CFI: variants seen among roughly 807,000 people sequenced by gnomAD.
CFI encodes the protein C3B/C4B inactivator.
Under a neutral mutation model 78.8 loss-of-function variants are expected in CFI, and 66 were observed. The ratio of observed to expected loss-of-function variants is 0.84; its 90% CI spans 0.69 to 1.03. The LOEUF (loss-of-function observed/expected upper bound fraction) is 1.03, where lower values mean the gene tolerates loss of function less well. Among genes scored for constraint, CFI ranks in the 50% least tolerant of loss-of-function variants. The pLI is 0.00. For missense variants in CFI, 706 were observed against 704.5 expected, an observed-to-expected ratio of 1.00 and a Z score of -0.02; for synonymous variants, 250 against 232.6, an observed-to-expected ratio of 1.07 and a Z score of -0.68.
At chr4:109,746,118 A>G in intron 11 of CFI, 104 bp downstream of exon 11, 4 of 1,323,762 alleles carry the variant, frequency 3.0e-6, no homozygotes, top group Non-Finnish European at 4.3e-6. Flanking sequence ...TCTGGATATG[A>G]TGTTATGCTT....
intron 2 of CFI, among the ~76,000 whole-genome samples, chr4:109,765,516 G>T (rs1406271773): frequency 1.3e-5 from 2 of 152,180 alleles, no homozygotes; most frequent in Non-Finnish European, 2.9e-5. Flanking sequence ...TACAGATGAG[G>T]GAACTGGGGT....
chr4:109,783,130 T>C (rs1730276014), intron 1 of CFI, among the ~76,000 whole-genome samples: 1 of 152,142 alleles, frequency 6.6e-6, no homozygotes, highest in Non-Finnish European at 1.5e-5. Context: ...AAGGATTTCA[T>C]GACCAAGAAC....
Position 109,746,246 on chromosome 4 carries a change from C to T in CFI, c.1405G>A (p.Val469Ile), listed in dbSNP as rs763276049. 1.1e-5 allele frequency: 17 copies of T among 1,614,016 alleles called. No individual in the cohort carries two copies. Among genetic ancestry groups the T allele is most frequent in the Middle Eastern group, 1.6e-4 (1 of 6,084 alleles). The change falls in exon 11 of 13, where the codon GTT becomes ATT. Residue 469 changes from valine to isoleucine, a missense_variant. By Grantham distance (29) the Val-to-Ile change is conservative. Coordinates refer to ENST00000394634, the MANE Select transcript of CFI (RefSeq NM_000204.5). ...YLFQPNDTCI[V>I]SGWGREKDNE... ...CCTTTTTCTCGTCCCCAGCCAGAAACGATGCATGTATCATTAGGTTGGAAT... is the reference window on the plus strand; with the variant it reads ...CCTTTTTCTCGTCCCCAGCCAGAAATGATGCATGTATCATTAGGTTGGAAT...
At chr4:109,798,389 T>C (rs1398962913) in intron 1 of CFI, among the ~76,000 whole-genome samples, 1 of 152,192 alleles carries the variant, frequency 6.6e-6, no homozygotes, top group Non-Finnish European at 1.5e-5. Context: ...GGTGAATACG[T>C]TTATGGCATA....
Position 109,766,559 on chromosome 4 carries a change from G to A in CFI, c.323C>T (p.Ala108Val). ...TKFLNNGTCTAEGKFSVSLKH... is the reference protein window; with the variant it reads ...TKFLNNGTCTVEGKFSVSLKH... ...GAAAACTAGTCTCTTGCTACCTTCG[G>A]CTGTGCATGTTCCGTTATTTAAAAA... Residue 108 changes from alanine to valine, a missense_variant, in exon 2 of 13, where the codon GCC (alanine) becomes GTC (valine). Physicochemically the swap from Ala to Val is moderately conservative, Grantham distance 64. Transcript: ENST00000394634. The A allele has an allele frequency of 6.2e-7, 1 of 1,614,048 alleles. No homozygotes were observed. Among genetic ancestry groups the A allele is most frequent in the Non-Finnish European group, 8.5e-7 (1 of 1,179,982 alleles).
At chr4:109,768,676 G>A (rs995845219) in intron 1 of CFI, among the ~76,000 whole-genome samples, 6 of 152,154 alleles carry the variant, frequency 3.9e-5, no homozygotes, top group East Asian at 3.8e-4. Flanking sequence ...CTGAGGATGC[G>A]CCTCCTGTCC....
chr4:109,782,760 A>G (rs1186550370), intron 1 of CFI, among the ~76,000 whole-genome samples: 1 of 152,146 alleles, frequency 6.6e-6, no homozygotes, highest in Non-Finnish European at 1.5e-5. Flanking sequence ...GAAGCATCAC[A>G]CTACCTGATT....
At chr4:109,764,114 A>G (rs1375550832) in intron 3 of CFI, among the ~76,000 whole-genome samples, 1 of 150,544 alleles carries the variant, frequency 6.6e-6, no homozygotes, top group Non-Finnish European at 1.5e-5. Context: ...TATCCTAACT[A>G]TATAGTTTAT....
At chr4:109,779,473 G>A (rs1359266442) in intron 1 of CFI, among the ~76,000 whole-genome samples, 4 of 152,146 alleles carry the variant, frequency 2.6e-5, no homozygotes, top group Non-Finnish European at 5.9e-5. Context: ...ACTGCTCAAC[G>A]AAATAAAAGA....
chr4:109,733,895 C>A, the CFI span, among the ~76,000 whole-genome samples: 1 of 152,148 alleles, frequency 6.6e-6, no homozygotes, highest in Non-Finnish European at 1.5e-5. Flanking sequence ...CTTAGCTGGG[C>A]GCAGTGACTC....
chr4:109,741,258 C>T, intron 12 of CFI, 148 bp from the exon 13 acceptor site: 1 of 1,487,406 alleles, frequency 6.7e-7, no homozygotes, highest in South Asian at 1.4e-5. Flanking sequence ...CCTGGCTGGG[C>T]TTGCAGAGTT....
At chr4:109,797,899 C>A (rs1382274065) in intron 1 of CFI, among the ~76,000 whole-genome samples, 1 of 151,990 alleles carries the variant, frequency 6.6e-6, no homozygotes, top group Admixed American at 6.6e-5. Flanking sequence ...CCAAAGGTAA[C>A]AAATGTAGCT....
At chr4:109,742,469 G>C (rs201239867) in intron 12 of CFI, 22 bp downstream of exon 12, 555 of 1,463,294 alleles carry the variant, frequency 3.8e-4, no homozygotes, top group Non-Finnish European at 5.0e-4. Flanking sequence ...TTGACATCTT[G>C]GATAAACCAC....
Position 109,741,039 on chromosome 4 carries a change from T to C in CFI, c.1606A>G (p.Asn536Asp), listed in dbSNP as rs1314998523. Residue 536 changes from asparagine to aspartate, a missense_variant, in exon 13 of 13, where the codon AAT (asparagine) becomes GAT (aspartate). Coordinates refer to ENST00000394634, the MANE Select transcript of CFI (RefSeq NM_000204.5). ...ACAACACCCCAGACATAAGTCACAT[T>C]GTTGGCATCCATACAGACTAAGGGG... is the stretch of plus-strand genomic sequence containing the variant. Reference protein sequence around the residue: ...GGPLVCMDANNVTYVWGVVSW... With the variant: ...GGPLVCMDANDVTYVWGVVSW... The C allele has an allele frequency of 1.9e-6, 3 of 1,614,110 alleles. No homozygotes were observed. In the African/African-American group the frequency reaches 4.0e-5, roughly 22 times the overall value.
chr4:109,772,053 TATG>T (rs889874241), intron 1 of CFI, among the ~76,000 whole-genome samples: 7 of 152,234 alleles, frequency 4.6e-5, no homozygotes, highest in African/African-American at 1.7e-4. Context: ...GAAGCAACTT[TATG>T]ATAACATTAC....
At chr4:109,742,376 A>ATTCT in intron 12 of CFI, 115 bp downstream of exon 12, 1 of 740,982 alleles carries the variant, frequency 1.3e-6, no homozygotes, top group South Asian at 1.5e-5. Flanking sequence ...TACAGCCAGA[A>ATTCT]GGCCAAATGG....
chr4:109,792,088 A>G (rs916593434), intron 1 of CFI, among the ~76,000 whole-genome samples: 1 of 152,150 alleles, frequency 6.6e-6, no homozygotes, highest in African/African-American at 2.4e-5. Flanking sequence ...GACAAGTCCT[A>G]TACGGTCTAT....
chr4:109,782,175 G>T (rs183901194), intron 1 of CFI, among the ~76,000 whole-genome samples: 5 of 152,114 alleles, frequency 3.3e-5, no homozygotes, highest in Admixed American at 2.0e-4. Flanking sequence ...ACAGACAAGA[G>T]AAATAATTTT....
At chr4:109,749,125 CCT>C in intron 10 of CFI, 91 bp downstream of exon 10, 1 of 1,137,380 alleles carries the variant, frequency 8.8e-7, no homozygotes, top group South Asian at 1.2e-5. Context: ...TTTGTCAGTA[CCT>C]TTTTCAGATA....
Sources: allele counts gnomAD v4.1 joint callset (sites outside exome capture counted in the v4.1 genomes callset), GRCh38; gene constraint gnomAD v4.1.1; transcripts MANE v1.5; gene names NCBI Gene and HGNC (gene_info 2026-07-23, HGNC 2026-07-21).